DNM3: variants seen among roughly 807,000 people sequenced by gnomAD.
The protein encoded by DNM3 is dynamin-3.
A neutral mutation model predicts 101.6 loss-of-function variants in DNM3; 47 were observed. That is an observed-to-expected ratio of 0.46 (90% CI 0.37 to 0.59). The LOEUF is 0.59. Ranked by LOEUF, DNM3 falls within the 20% of genes least tolerant of loss-of-function variation. The pLI, the probability that DNM3 is intolerant of heterozygous loss-of-function variation, is 0.00. For synonymous variants in DNM3, 385 were observed against 387.9 expected (o/e 0.99, Z 0.09); for missense variants, 849 against 1,085.7 (o/e 0.78, Z 3.06).
In DNM3 at chr1:172,042,157, C is replaced by T. The variant is rs747589710; in HGVS notation, c.1128+13C>T. 16 of 1,578,316 alleles carry T rather than the reference C, an allele frequency of 1.0e-5. No homozygotes were observed. In the Admixed American group the frequency reaches 1.6e-4, roughly 16 times the overall value. ...TGAGATAGTAAAGGTTTGTGTCAAA[C>T]GTTATTTTTTTCTTAGTTTCACTTC... On this transcript the variant is annotated intron_variant, in intron 8 of 20. Coordinates refer to ENST00000627582, the MANE Select transcript of DNM3 (RefSeq NM_015569.5).
chr1:172,194,748 C>A (rs570135700), intron 14 of DNM3, among the ~76,000 whole-genome samples: 1 of 151,738 alleles, frequency 6.6e-6, no homozygotes, highest in Admixed American at 6.6e-5. Context: ...TTTGATCCTA[C>A]GTGTGTCTCT....
In DNM3 at chr1:172,410,950, G is replaced by A. The variant is rs74646758; in HGVS notation, c.*3109G>A. On this transcript the variant is annotated 3_prime_UTR_variant, in exon 21 of 21. Transcript: ENST00000627582. ...ACACATTTTCTATGCATGTGTCTCT[G>A]TGTATATGGCATATACCTAGTAAGT... The A allele has an allele frequency of 1.2e-3, 1,226 of 985,244 alleles. 14 individuals are homozygous for A. The African/African-American group carries it at 0.02, about 16-fold the overall frequency. 61.0% of individuals were successfully genotyped at this position (985,244 alleles called of 1,614,324 possible). A position where few individuals can be genotyped will look rare whatever the true frequency, so the allele number is the denominator to read the frequency against.
chr1:171,867,945 T>G (rs1262282915), intron 1 of DNM3, among the ~76,000 whole-genome samples: 2 of 152,212 alleles, frequency 1.3e-5, no homozygotes, highest in East Asian at 3.8e-4. Context: ...TTCTTATCAC[T>G]TAACATTTTT....
chr1:172,318,595 AG>A (rs2065519932), intron 16 of DNM3, among the ~76,000 whole-genome samples: 3 of 152,200 alleles, frequency 2.0e-5, no homozygotes, highest in African/African-American at 7.2e-5. Context: ...CACCAATAAC[AG>A]ACAAACAGAG....
intron 15 of DNM3, among the ~76,000 whole-genome samples, chr1:172,255,636 G>T (rs1422744397): frequency 6.6e-6 from 1 of 152,074 alleles, no homozygotes; most frequent in Non-Finnish European, 1.5e-5. Flanking sequence ...GTTCTAAAAA[G>T]GTATTGAATT....
At chr1:171,880,183 C>T (rs2125121595) in intron 1 of DNM3, among the ~76,000 whole-genome samples, 1 of 152,326 alleles carries the variant, frequency 6.6e-6, no homozygotes, top group South Asian at 2.1e-4. Context: ...AGAAAACAAA[C>T]TTAGAATCTG....
In DNM3 at chr1:172,408,702, A is replaced by G. The variant is rs2071052585; in HGVS notation, c.*861A>G. The G allele has an allele frequency of 1.0e-6, 1 of 984,900 alleles. No homozygotes were observed. The allele number at this position is 984,900 out of a possible 1,614,324, so 61.0% of individuals were successfully genotyped here. On this transcript the variant is annotated 3_prime_UTR_variant, in exon 21 of 21. Coordinates refer to ENST00000627582, the MANE Select transcript of DNM3 (RefSeq NM_015569.5). ...TTTACTTTTCTATTTGGCATAGCTAACTACACTTTGATACTAACTCCAGTT... is the reference window on the plus strand; with the variant it reads ...TTTACTTTTCTATTTGGCATAGCTAGCTACACTTTGATACTAACTCCAGTT...
intron 14 of DNM3, among the ~76,000 whole-genome samples, chr1:172,148,846 G>A (rs2058023084): frequency 6.6e-6 from 1 of 152,020 alleles, no homozygotes; most frequent in South Asian, 2.1e-4. Flanking sequence ...AGGGCTCAAA[G>A]GAATAGATAT....
Position 172,238,691 on chromosome 1 carries a change from G to A in DNM3, c.1660-14882G>A, listed in dbSNP as rs377409142. 2.0e-4 allele frequency among the ~76,000 whole-genome samples: 30 copies of A among 152,112 alleles called. No homozygotes were observed. In the East Asian group the frequency reaches 4.3e-3, roughly 22 times the overall value. On this transcript the variant is annotated intron_variant, in intron 14 of 20. Coordinates refer to ENST00000627582, the MANE Select transcript of DNM3 (RefSeq NM_015569.5). Reference sequence around the variant, plus strand: ...GTTGGTAATACAGAACAAATGGAACGAGAGGGGAAGCTTTGTTGGGATATA... The same window carrying A: ...GTTGGTAATACAGAACAAATGGAACAAGAGGGGAAGCTTTGTTGGGATATA...
intron 14 of DNM3, among the ~76,000 whole-genome samples, chr1:172,241,581 A>G (rs1197415831): frequency 6.6e-6 from 1 of 152,164 alleles, no homozygotes. Flanking sequence ...TCTGAGAATC[A>G]TTGGGAGGGC....
At chr1:172,377,547 A>G (rs1488481605) in intron 17 of DNM3, among the ~76,000 whole-genome samples, 2 of 86,726 alleles carry the variant, frequency 2.3e-5, no homozygotes, top group African/African-American at 8.8e-5. Context: ...TCTCATTGAT[A>G]TATATCATAT....
chr1:171,962,797 T>C (rs1409567679), intron 2 of DNM3, among the ~76,000 whole-genome samples: 1 of 152,174 alleles, frequency 6.6e-6, no homozygotes, highest in African/African-American at 2.4e-5. Flanking sequence ...AAACATTCAG[T>C]CTACAACAGT....
chr1:171,999,900 T>C (rs912986396), intron 4 of DNM3, among the ~76,000 whole-genome samples: 1 of 152,076 alleles, frequency 6.6e-6, no homozygotes, highest in Non-Finnish European at 1.5e-5. Context: ...GGAAGAACCC[T>C]CCTGTAGAGG....
At chr1:171,886,940 G>A (rs2036832087) in intron 1 of DNM3, among the ~76,000 whole-genome samples, 1 of 152,250 alleles carries the variant, frequency 6.6e-6, no homozygotes, top group African/African-American at 2.4e-5. Context: ...TTAGAAGAAA[G>A]TTATTTCCCT....
At position 172,388,627 on chromosome 1, in the gene DNM3, C is replaced by A. The variant is rs201431126; in HGVS notation, c.2340C>A (p.Leu780=). 3.1e-6 allele frequency: 5 copies of A among 1,614,046 alleles called. No homozygotes were observed. In the South Asian group the frequency reaches 5.5e-5, roughly 18 times the overall value. The change falls in exon 20 of 21, where the codon CTC becomes CTA. Residue 780 remains leucine, a synonymous_variant. Transcript: ENST00000627582. The part of the protein sequence containing the change: ...TQRRPTLSAP[L]ARPTSGRGPA... Reference sequence around the variant, plus strand: ...GGAGGCCAACACTAAGTGCTCCCCTCGCAAGGCCCACATCCGGCCGAGGAC... The same window carrying A: ...GGAGGCCAACACTAAGTGCTCCCCTAGCAAGGCCCACATCCGGCCGAGGAC...
chr1:172,366,741 C>T (rs183465528), intron 17 of DNM3: 1 of 151,576 alleles, frequency 6.6e-6, no homozygotes, highest in East Asian at 1.9e-4. Flanking sequence ...ATAAAAAATA[C>T]AATTGAGAGA....
chr1:172,418,418 A>C, exon 21 of DNM3: 3 of 1,006,710 alleles, frequency 3.0e-6, no homozygotes, highest in Non-Finnish European at 1.3e-6. Flanking sequence ...AAAAACTTTT[A>C]TTTTTCATCC....
intron 14 of DNM3, among the ~76,000 whole-genome samples, chr1:172,158,742 A>G (rs1011607334): frequency 1.3e-5 from 2 of 152,094 alleles, no homozygotes; most frequent in African/African-American, 4.8e-5. Flanking sequence ...CAAGTAAAGA[A>G]TTTAAAGTTT....
rs745651671 is a variant in DNM3, at chr1:172,304,222, A to AAAAAAAAAAAAAAAC, written c.1770-4506_1770-4505insAAAAAAAAAAAAAAC. ...AAAGGAAAGCAAAAAAAAAAAAAAA[A>AAAAAAAAAAAAAAAC]CAGGAGTTGCAATCCTAGTCTCTGA... On this transcript the variant is annotated intron_variant, in intron 15 of 20. Transcript: ENST00000627582. 6.1e-4 allele frequency among the ~76,000 whole-genome samples: 79 copies of AAAAAAAAAAAAAAAC among 128,966 alleles called. 6 individuals are homozygous for AAAAAAAAAAAAAAAC. Among genetic ancestry groups the AAAAAAAAAAAAAAAC allele is most frequent in the African/African-American group, 2.4e-3 (70 of 28,612 alleles). 84.6% of individuals were successfully genotyped at this position (128,966 alleles called of 152,430 possible).
Sources: gnomAD v4.1 joint callset for allele counts (sites outside exome capture counted in the v4.1 genomes callset) on GRCh38, gnomAD v4.1.1 for gene constraint, MANE v1.5 for transcripts, NCBI Gene and HGNC (gene_info 2026-07-23, HGNC 2026-07-21) for gene names.